The following EPB41L1 variants were observed in gnomAD, a reference collection of about 807,000 sequenced individuals.
The protein encoded by EPB41L1 is band 4.1-like protein 1.
Under a neutral mutation model 97.8 loss-of-function variants are expected in EPB41L1, and 29 were observed. The ratio of observed to expected loss-of-function variants is 0.30; its 90% CI spans 0.22 to 0.40. The LOEUF is 0.40. EPB41L1 is among the 10% of genes least tolerant of loss of function. The pLI is 1.00. For missense variants in EPB41L1, 812 were observed against 1,162.3 expected (o/e 0.70, Z 4.38); for synonymous variants, 383 against 459.2 (o/e 0.83, Z 2.12).
intron 7 of EPB41L1, among the ~76,000 whole-genome samples, chr20:36,187,382 C>T (rs2061727174): frequency 6.6e-6 from 1 of 152,170 alleles, no homozygotes; most frequent in Non-Finnish European, 1.5e-5. Flanking sequence ...ATTTATAGCT[C>T]ACAGTCAACT....
At chr20:36,131,393 A>G (rs1434338462) in intron 2 of EPB41L1, among the ~76,000 whole-genome samples, 2 of 151,504 alleles carry the variant, frequency 1.3e-5, no homozygotes, top group South Asian at 2.1e-4. Flanking sequence ...TACAGGTGTG[A>G]GCCACCACAC....
upstream of EPB41L1, among the ~76,000 whole-genome samples, chr20:36,153,437 C>A (rs1454976804): frequency 6.6e-6 from 1 of 152,090 alleles, no homozygotes; most frequent in East Asian, 1.9e-4. Flanking sequence ...CTTCCCAGGG[C>A]AGTGGATTCT....
chr20:36,112,531 A>G (rs1344170643), intron 2 of EPB41L1: 1 of 152,282 alleles, frequency 6.6e-6, no homozygotes, highest in Non-Finnish European at 1.5e-5. Context: ...AGGTTGGACG[A>G]AGAGGTCTTC....
Position 36,209,173 on chromosome 20 carries a change from TC to T in EPB41L1, c.1669-312del, listed in dbSNP as rs1319214128. Among the ~76,000 whole-genome samples the T allele has an allele frequency of 3.3e-5, 5 of 152,176 alleles. No homozygotes were observed. Among genetic ancestry groups the T allele is most frequent in the Non-Finnish European group, 7.3e-5 (5 of 68,030 alleles). On this transcript the variant is annotated intron_variant, in intron 14 of 21. Transcript: ENST00000338074. The surrounding 1 kb of genome is among the most constrained non-coding windows in gnomAD (Gnocchi z 4.2). Reference sequence around the variant, plus strand: ...TCGTGCAATGCTGCTTCCAATAAGCTCCCAGATCCAATACCCTTGGATGGAG... The same window carrying T: ...TCGTGCAATGCTGCTTCCAATAAGCTCCAGATCCAATACCCTTGGATGGAG...
chr20:36,181,846 C>G (rs2061483002), intron 5 of EPB41L1, among the ~76,000 whole-genome samples: 1 of 152,148 alleles, frequency 6.6e-6, no homozygotes, highest in Non-Finnish European at 1.5e-5. Flanking sequence ...GACCAAGGAG[C>G]CAGGTGGCCT....
intron 1 of EPB41L1, among the ~76,000 whole-genome samples, chr20:36,108,878 C>T: frequency 6.6e-6 from 1 of 151,922 alleles, no homozygotes; most frequent in Non-Finnish European, 1.5e-5. Flanking sequence ...TCACCCCAGC[C>T]CGGGCCTTGC....
At chr20:36,134,892 C>T (rs1438740544) in intron 2 of EPB41L1, among the ~76,000 whole-genome samples, 1 of 140,288 alleles carries the variant, frequency 7.1e-6, no homozygotes, top group Admixed American at 7.4e-5. Flanking sequence ...CAGGGTCCCA[C>T]TCTGTTGCCC....
chr20:36,115,156 T>C (rs2058545421), intron 2 of EPB41L1, among the ~76,000 whole-genome samples: 1 of 152,246 alleles, frequency 6.6e-6, no homozygotes, highest in South Asian at 2.1e-4. Flanking sequence ...CTATTATTAC[T>C]ATTATTTCCC....
rs1433324666 is a variant in EPB41L1 at position 36,195,311 on chromosome 20, C to T, written c.1450-18C>T. ...ACTGACCCTGCTGCTTTCTTTCCCT[C>T]CTACCACATCCCACTAGCCGGAGCA... On this transcript the variant is annotated intron_variant, in intron 12 of 21. Coordinates refer to ENST00000338074, the MANE Select transcript of EPB41L1 (RefSeq NM_012156.2). The surrounding 1 kb of genome is among the most constrained non-coding windows in gnomAD (Gnocchi z 4.6). 1 of 1,614,094 alleles carries T rather than the reference C, an allele frequency of 6.2e-7. No individual in the cohort carries two copies. Among genetic ancestry groups the T allele is most frequent in the Non-Finnish European group, 8.5e-7 (1 of 1,180,008 alleles).
intron 2 of EPB41L1, among the ~76,000 whole-genome samples, chr20:36,132,366 G>A (rs949667025): frequency 2.6e-5 from 4 of 151,940 alleles, no homozygotes; most frequent in Non-Finnish European, 4.4e-5. Flanking sequence ...CTCTGCCTCC[G>A]TCATCATATC....
chr20:36,106,008 G>A (rs1183764069), intron 1 of EPB41L1, among the ~76,000 whole-genome samples: 1 of 152,200 alleles, frequency 6.6e-6, no homozygotes, highest in Non-Finnish European at 1.5e-5. Context: ...GACCCTGGGA[G>A]GTGAGCACTG....
At chr20:36,208,345 C>T (rs1397244508) in intron 14 of EPB41L1, 1 of 454,868 alleles carries the variant, frequency 2.2e-6, no homozygotes, top group Non-Finnish European at 4.4e-6. Context: ...GCTCCACCAA[C>T]TTAGCAGCCA....
intron 9 of EPB41L1, among the ~76,000 whole-genome samples, chr20:36,189,317 T>G (rs753802214): frequency 2.0e-5 from 3 of 151,916 alleles, no homozygotes; most frequent in Non-Finnish European, 4.4e-5. Flanking sequence ...GCAAGCCCAC[T>G]CCCCCTTCCC....
chr20:36,133,494 T>C (rs1182507328), intron 2 of EPB41L1, among the ~76,000 whole-genome samples: 1 of 152,186 alleles, frequency 6.6e-6, no homozygotes, highest in Admixed American at 6.5e-5. Flanking sequence ...ATGGGAAGAC[T>C]AGAGCTTTGA....
chr20:36,176,112 C>T (rs1365278297), intron 3 of EPB41L1, among the ~76,000 whole-genome samples: 5 of 152,164 alleles, frequency 3.3e-5, no homozygotes, highest in Non-Finnish European at 7.4e-5. Context: ...CTCCTCCCTT[C>T]CTAGTGAATG....
chr20:36,209,339 C>A lies in EPB41L1; in HGVS notation c.1669-149C>A, dbSNP rs2062998743. On this transcript the variant is annotated intron_variant, in intron 14 of 21. Transcript: ENST00000338074. The surrounding 1 kb of genome is among the most constrained non-coding windows in gnomAD (Gnocchi z 4.2). ...CTTGTTATGATTTCAAGGAACCTTT[C>A]CTGGGGTGTTTTTCATTTCCTGGCC... 3 of 454,984 alleles carry A rather than the reference C, an allele frequency of 6.6e-6. No homozygotes were observed. In the Admixed American group the frequency reaches 1.1e-4, roughly 17 times the overall value. 28.2% of individuals were successfully genotyped at this position (454,984 alleles called of 1,614,324 possible). A position where few individuals can be genotyped will look rare whatever the true frequency, so the allele number is the denominator to read the frequency against.
chr20:36,155,146 G>A (rs1172458434), intron 1 of EPB41L1: 2 of 461,240 alleles, frequency 4.3e-6, no homozygotes, highest in East Asian at 7.0e-5. Context: ...TAGGATGAGC[G>A]GTGGGTGGGC....
intron 2 of EPB41L1, chr20:36,121,706 A>C (rs1397218502): frequency 1.3e-5 from 2 of 152,180 alleles, no homozygotes; most frequent in Non-Finnish European, 2.9e-5. Flanking sequence ...GCTTCCCCAC[A>C]CTGAAGCCCG....
chr20:36,108,663 G>T (rs1015088426), intron 1 of EPB41L1, among the ~76,000 whole-genome samples: 1 of 152,070 alleles, frequency 6.6e-6, no homozygotes, highest in Admixed American at 6.5e-5. Flanking sequence ...GAGAGAACGA[G>T]ACTCTGACTC....
Sources: gnomAD v4.1 joint callset for allele counts (sites outside exome capture counted in the v4.1 genomes callset) on GRCh38, gnomAD v4.1.1 for gene constraint, Gnocchi (gnomAD v3.1) non-coding constraint, MANE v1.5 for transcripts, NCBI Gene and HGNC (gene_info 2026-07-23, HGNC 2026-07-21) for gene names.